The following AFTPH variants were observed in gnomAD, a reference collection of about 807,000 sequenced individuals.
AFTPH encodes the protein aftiphilin, also known as aftiphilin protein.
In AFTPH, 7 loss-of-function variants were observed where a neutral mutation model predicts 72.5. That is an observed-to-expected ratio of 0.10 (90% CI 0.05 to 0.18). The LOEUF is 0.18. AFTPH is among the 10% of genes least tolerant of loss of function. The pLI is 1.00. For synonymous variants in AFTPH, 337 were observed against 370.1 expected (o/e 0.91, Z 1.03); for missense variants, 979 against 1,060.5 (o/e 0.92, Z 1.07).
intron 1 of AFTPH, among the ~76,000 whole-genome samples, chr2:64,544,145 TA>T (rs1670419725): frequency 2.0e-5 from 3 of 152,202 alleles, no homozygotes; most frequent in African/African-American, 7.2e-5. Flanking sequence ...GCACTTCTAT[TA>T]ATTATTTTTA....
In AFTPH at chr2:64,579,483, T is replaced by C. The variant is rs1246558683; in HGVS notation, c.2395-3T>C. 1.2e-6 allele frequency: 2 copies of C among 1,613,562 alleles called. No homozygotes were observed. Among genetic ancestry groups the C allele is most frequent in the East Asian group, 2.2e-5 (1 of 44,860 alleles). ...ATTTTGATTTTTTGGTTTTCAACTCTAGGAGTCTCTACCACCCGTCCAGTT... is the reference window on the plus strand; with the variant it reads ...ATTTTGATTTTTTGGTTTTCAACTCCAGGAGTCTCTACCACCCGTCCAGTT... On this transcript the variant is annotated splice_region_variant and splice_polypyrimidine_tract_variant and intron_variant, in intron 6 of 8. Coordinates refer to ENST00000238856, the Ensembl canonical transcript of AFTPH.
chr2:64,531,944 G>T lies in AFTPH; in HGVS notation c.-33+7332G>T, dbSNP rs538445559. Among the ~76,000 whole-genome samples, 3 of 152,218 alleles carry T rather than the reference G, an allele frequency of 2.0e-5. No individual in the cohort carries two copies. The South Asian group carries it at 6.2e-4, about 32-fold the overall frequency. ...TAACTCTTATAGAAAGGAATACATAGATTTTTTAAAATTACATATTACATT... is the reference window on the plus strand; with the variant it reads ...TAACTCTTATAGAAAGGAATACATATATTTTTTAAAATTACATATTACATT... On this transcript the variant is annotated intron_variant, in intron 1 of 8. Transcript: ENST00000238856.
At chr2:64,534,764 T>G (rs141037507) in intron 1 of AFTPH, among the ~76,000 whole-genome samples, 2,162 of 151,550 alleles carry the variant, frequency 0.014, 53 homozygotes, top group East Asian at 0.064. Flanking sequence ...TTTCTGAGAA[T>G]TCCATAACAT....
chr2:64,544,861 G>A (rs1197237715), intron 1 of AFTPH, among the ~76,000 whole-genome samples: 2 of 152,090 alleles, frequency 1.3e-5, no homozygotes, highest in African/African-American at 4.8e-5. Context: ...TGCTGCAGGG[G>A]ATCATGCAGC....
chr2:64,530,444 G>A (rs1419563067), intron 1 of AFTPH, among the ~76,000 whole-genome samples: 1 of 152,104 alleles, frequency 6.6e-6, no homozygotes, highest in Non-Finnish European at 1.5e-5. Flanking sequence ...AAAAAATAAT[G>A]TGCTTATTAT....
chr2:64,556,504 A>G (rs966576112), intron 2 of AFTPH, among the ~76,000 whole-genome samples: 1 of 152,238 alleles, frequency 6.6e-6, no homozygotes, highest in African/African-American at 2.4e-5. Flanking sequence ...TTAAACAAGC[A>G]TGGAAAACAA....
chr2:64,572,220 CAAA>C (rs34614295), intron 5 of AFTPH, among the ~76,000 whole-genome samples: 3 of 116,846 alleles, frequency 2.6e-5, no homozygotes, highest in African/African-American at 3.2e-5. Flanking sequence ...AACTCTGTCT[CAAA>C]AAAAAAAAAA....
At chr2:64,569,811 C>CAAAAAAGATCTA in intron 5 of AFTPH, 132 bp downstream of exon 5, 1 of 680,908 alleles carries the variant, frequency 1.5e-6, no homozygotes, top group Non-Finnish European at 2.4e-6. Flanking sequence ...ATAAATAGAT[C>CAAAAAAGATCTA]TTTTTTGATC....
At chr2:64,569,005 GT>G in intron 3 of AFTPH, 86 bp from the exon 4 acceptor site, 1 of 1,423,698 alleles carries the variant, frequency 7.0e-7, no homozygotes, top group East Asian at 2.3e-5. Context: ...TGGAATGTGT[GT>G]TATGTCACAG....
chr2:64,554,843 G>T (rs987090095), intron 2 of AFTPH, among the ~76,000 whole-genome samples: 9 of 152,232 alleles, frequency 5.9e-5, no homozygotes, highest in African/African-American at 2.2e-4. Flanking sequence ...AGGATAGGGT[G>T]ACACTGGTAT....
chr2:64,585,661 A>AATT, intron 8 of AFTPH, 116 bp downstream of exon 9: 1 of 1,201,232 alleles, frequency 8.3e-7, no homozygotes. Context: ...TTGCTTTATA[A>AATT]AAGTCAGTCG....
At chr2:64,546,879 A>T (rs1026417426) in intron 1 of AFTPH, among the ~76,000 whole-genome samples, 1 of 151,842 alleles carries the variant, frequency 6.6e-6, no homozygotes, top group African/African-American at 2.4e-5. Context: ...CTAAAAAAAA[A>T]AATCCAAAAA....
intron 1 of AFTPH, among the ~76,000 whole-genome samples, chr2:64,529,923 G>A (rs1669523929): frequency 1.3e-5 from 2 of 152,168 alleles, no homozygotes. Flanking sequence ...GGAGGCCAAG[G>A]CGGGCATATC....
At chr2:64,583,331 G>A (rs1050296419) in intron 7 of AFTPH, among the ~76,000 whole-genome samples, 5 of 126,778 alleles carry the variant, frequency 3.9e-5, no homozygotes, top group Non-Finnish European at 5.2e-5. Flanking sequence ...AAAAAAAAAA[G>A]ACCTTCCATT....
rs182567738 is a variant in AFTPH, at chr2:64,548,083, G to A, written c.-32-3360G>A. On this transcript the variant is annotated intron_variant, in intron 1 of 8. Transcript: ENST00000238856. ...TGGGATTACAGGTGTGAGCCACTGC[G>A]CCCGGCTGCTTTTAAACTTTAGAAA... Among the ~76,000 whole-genome samples, 370 of 145,360 alleles carry A rather than the reference G, an allele frequency of 2.5e-3. 1 individual carries two copies. The highest frequency in any genetic ancestry group is 8.6e-3 in the African/African-American group (346 of 40,454).
intron 5 of AFTPH, among the ~76,000 whole-genome samples, chr2:64,571,908 A>G (rs951504673): frequency 4.7e-5 from 7 of 150,484 alleles, no homozygotes; most frequent in African/African-American, 1.7e-4. Flanking sequence ...CTGAACATCT[A>G]TTTTTCTTAC....
Position 64,538,709 on chromosome 2 carries a change from C to T in AFTPH, c.-32-12734C>T, listed in dbSNP as rs374037552. 9.9e-5 allele frequency among the ~76,000 whole-genome samples: 15 copies of T among 152,268 alleles called. No homozygotes were observed. In the South Asian group the frequency reaches 1.7e-3, roughly 17 times the overall value. ...TAAAATTAATAGCACCTGGCAAAGACTTAATTTGTGAGGTAAATCTGCTGT... is the reference window on the plus strand; with the variant it reads ...TAAAATTAATAGCACCTGGCAAAGATTTAATTTGTGAGGTAAATCTGCTGT... On this transcript the variant is annotated intron_variant, in intron 1 of 8. Transcript: ENST00000238856.
At chr2:64,583,215 G>A (rs369053653) in intron 7 of AFTPH, among the ~76,000 whole-genome samples, 2 of 151,268 alleles carry the variant, frequency 1.3e-5, no homozygotes, top group South Asian at 2.1e-4. Context: ...CTTAGCTTGC[G>A]GTTATTTAAT....
intron 2 of AFTPH, among the ~76,000 whole-genome samples, chr2:64,558,292 A>G (rs1671513470): frequency 6.6e-6 from 1 of 152,228 alleles, no homozygotes; most frequent in Non-Finnish European, 1.5e-5. Context: ...TATCCTTGAT[A>G]GGGTCTTGGA....
Sources: allele counts gnomAD v4.1 joint callset (sites outside exome capture counted in the v4.1 genomes callset), GRCh38; gene constraint gnomAD v4.1.1; transcripts MANE v1.5; gene names NCBI Gene and HGNC (gene_info 2026-07-23, HGNC 2026-07-21).